MYBPC1: variants seen among roughly 807,000 people sequenced by gnomAD.
The protein encoded by MYBPC1 is myosin-binding protein C, slow-type.
A neutral mutation model predicts 147.1 loss-of-function variants in MYBPC1; 52 were observed. The observed-to-expected ratio is 0.35, with a 90% confidence interval of 0.28 to 0.45. The LOEUF is 0.45. Among genes scored for constraint, MYBPC1 ranks in the 20% least tolerant of loss-of-function variants. The pLI, the probability that MYBPC1 is intolerant of heterozygous loss-of-function variation, is 1.00. For missense variants in MYBPC1, 1,228 were observed against 1,440.3 expected (o/e 0.85, Z 2.39); for synonymous variants, 477 against 475.9 (o/e 1.00, Z -0.03).
chr12:101,610,338 A>T (rs1038180826), intron 1 of MYBPC1, among the ~76,000 whole-genome samples: 3 of 152,310 alleles, frequency 2.0e-5, no homozygotes, highest in East Asian at 3.9e-4. Flanking sequence ...CATCGAGCTC[A>T]ACTACTATTC....
Position 101,677,991 on chromosome 12 carries a change from A to C in MYBPC1, c.3110-111A>C. Reference sequence around the variant, plus strand: ...ACATGGCATTTGCTCATCTTTGTCCATGTTTTTCTAAGTTCAGGGAAGTTT... The same window carrying C: ...ACATGGCATTTGCTCATCTTTGTCCCTGTTTTTCTAAGTTCAGGGAAGTTT... On this transcript the variant is annotated intron_variant, in intron 27 of 31. Coordinates refer to ENST00000361466, the MANE Select transcript of MYBPC1 (RefSeq NM_002465.4). The C allele has an allele frequency of 2.3e-6, 3 of 1,332,964 alleles. No individual in the cohort carries two copies. The South Asian group carries it at 3.6e-5, about 16-fold the overall frequency. The allele number at this position is 1,332,964 out of a possible 1,614,324, so 82.6% of individuals were successfully genotyped here. A position where few individuals can be genotyped will look rare whatever the true frequency, so the allele number is the denominator to read the frequency against.
At chr12:101,638,741 T>C (rs911408050) in intron 10 of MYBPC1, among the ~76,000 whole-genome samples, 2 of 152,186 alleles carry the variant, frequency 1.3e-5, no homozygotes, top group African/African-American at 4.8e-5. Flanking sequence ...ATAAATCTAA[T>C]TACATAGTCA....
At chr12:101,654,264 T>C (rs1895123384) in intron 18 of MYBPC1, among the ~76,000 whole-genome samples, 1 of 152,092 alleles carries the variant, frequency 6.6e-6, no homozygotes, top group South Asian at 2.1e-4. Flanking sequence ...GAATGAGACT[T>C]CTACTTTCAA....
chr12:101,688,343 C>T (rs372744914), downstream of MYBPC1, among the ~76,000 whole-genome samples: 2 of 151,894 alleles, frequency 1.3e-5, no homozygotes, highest in Admixed American at 6.6e-5. Flanking sequence ...AGCTTGAACC[C>T]GGGAGGTGGA....
intron 30 of MYBPC1, among the ~76,000 whole-genome samples, chr12:101,683,849 A>C (rs1186493079): frequency 6.6e-6 from 1 of 152,202 alleles, no homozygotes; most frequent in African/African-American, 2.4e-5. Flanking sequence ...ATAGCTTTGT[A>C]ACATAAGGTT....
chr12:101,685,528 G>T, intron 31 of MYBPC1, 54 bp from the exon 32 acceptor site: 2 of 1,257,002 alleles, frequency 1.6e-6, no homozygotes, highest in Non-Finnish European at 2.2e-6. Flanking sequence ...TTGTTTCAGC[G>T]ATTTTTCAGG....
At position 101,642,152 on chromosome 12, in the gene MYBPC1, A is replaced by G. The variant is rs934534307; in HGVS notation, c.666-267A>G. ...AAATATATTTTTAGGCTATTTCCTG[A>G]TGTCCTCTACTCCCCCTAAAATTGT... On this transcript the variant is annotated intron_variant, in intron 10 of 31. Coordinates refer to ENST00000361466, the MANE Select transcript of MYBPC1 (RefSeq NM_002465.4). Among the ~76,000 whole-genome samples the G allele has an allele frequency of 2.8e-4, 42 of 152,172 alleles. 1 individual carries two copies. The highest frequency in any genetic ancestry group is 2.4e-3 in the Admixed American group (37 of 15,268).
intron 31 of MYBPC1, 41 bp from the exon 32 acceptor site, chr12:101,685,541 G>C (rs540499368): frequency 7.3e-7 from 1 of 1,366,188 alleles, no homozygotes; most frequent in African/African-American, 1.4e-5. Flanking sequence ...TTTTCAGGTA[G>C]ATGGTTTTGA....
rs57175970 is a variant in MYBPC1 at position 101,624,683 on chromosome 12, A to ATTTTTTTTTTTTTTTTTTTTTTT, written c.104-2185_104-2163dup. On this transcript the variant is annotated intron_variant, in intron 3 of 31. Coordinates refer to ENST00000361466, the MANE Select transcript of MYBPC1 (RefSeq NM_002465.4). ...AATAATATACAAGCCCGGCTAATTAATTTTTTTTTTTTTTTTTTTTTTTTT... is the reference window on the plus strand; with the variant it reads ...AATAATATACAAGCCCGGCTAATTAATTTTTTTTTTTTTTTTTTTTTTTTTTTTTTTTTTTTTTTTTTTTTTTT... Among the ~76,000 whole-genome samples the ATTTTTTTTTTTTTTTTTTTTTTT allele has an allele frequency of 4.8e-4, 48 of 99,096 alleles. 4 individuals carry two copies. Among genetic ancestry groups the ATTTTTTTTTTTTTTTTTTTTTTT allele is most frequent in the African/African-American group, 2.0e-3 (47 of 24,010 alleles). The allele number at this position is 99,096 out of a possible 152,430, so 65.0% of individuals were successfully genotyped here.
chr12:101,665,952 T>A (rs1372911196), intron 22 of MYBPC1, among the ~76,000 whole-genome samples: 1 of 152,186 alleles, frequency 6.6e-6, no homozygotes, highest in African/African-American at 2.4e-5. Flanking sequence ...TCCCTTCTCC[T>A]TGATACTCCT....
At chr12:101,617,778 A>T (rs1157879812) in intron 3 of MYBPC1, among the ~76,000 whole-genome samples, 1 of 152,208 alleles carries the variant, frequency 6.6e-6, no homozygotes, top group Non-Finnish European at 1.5e-5. Context: ...ACTGGAAACT[A>T]TTCCTGTAAT....
chr12:101,642,697 G>T (rs1057229638), intron 11 of MYBPC1, 112 bp downstream of exon 11: 12 of 1,239,350 alleles, frequency 9.7e-6, no homozygotes, highest in Non-Finnish European at 1.3e-5. Flanking sequence ...TTGGGAGTGG[G>T]GCTGGGTAGG....
rs10860760 is a variant in MYBPC1, at chr12:101,651,520, C to T, written c.1526+127C>T. On this transcript the variant is annotated intron_variant, in intron 16 of 31. Transcript: ENST00000361466. ...GGGAGATCATCTATTCCTGATTCTT[C>T]GCTTCCAACTAGCAAGAAGGTGTGA... 334,577 of 1,260,754 alleles carry T rather than the reference C, an allele frequency of 0.27. 46,090 individuals carry two copies. The highest frequency in any genetic ancestry group is 0.31 in the Middle Eastern group (1,351 of 4,322). 78.1% of individuals were successfully genotyped at this position (1,260,754 alleles called of 1,614,324 possible). A position where few individuals can be genotyped will look rare whatever the true frequency, so the allele number is the denominator to read the frequency against.
intron 3 of MYBPC1, 112 bp downstream of exon 3, chr12:101,617,355 T>G: frequency 8.6e-7 from 1 of 1,167,528 alleles, no homozygotes; most frequent in Non-Finnish European, 1.3e-6. Context: ...TATCTTTCGT[T>G]CTGCCTTTGC....
downstream of MYBPC1, among the ~76,000 whole-genome samples, chr12:101,688,166 T>A (rs970064517): frequency 1.3e-5 from 2 of 152,222 alleles, no homozygotes; most frequent in African/African-American, 2.4e-5. Context: ...ATGCCTGTAA[T>A]CCCAGCACTT....
chr12:101,633,783 T>C (rs1890423216), intron 8 of MYBPC1, among the ~76,000 whole-genome samples: 1 of 151,842 alleles, frequency 6.6e-6, no homozygotes, highest in South Asian at 2.1e-4. Context: ...AAGCAGAGGC[T>C]GGATGGCCAT....
chr12:101,676,421 A>G (rs1001239632), intron 26 of MYBPC1, among the ~76,000 whole-genome samples: 1 of 152,112 alleles, frequency 6.6e-6, no homozygotes, highest in Non-Finnish European at 1.5e-5. Flanking sequence ...CCAGGATGAC[A>G]GAACAAGACT....
At chr12:101,613,272 A>C (rs1279064618) in intron 1 of MYBPC1, among the ~76,000 whole-genome samples, 2 of 152,126 alleles carry the variant, frequency 1.3e-5, no homozygotes, top group Non-Finnish European at 2.9e-5. Flanking sequence ...AGAACGGGGC[A>C]TTTGGCCTAC....
Position 101,648,435 on chromosome 12 carries a change from C to G in MYBPC1, c.1196+285C>G, listed in dbSNP as rs11110912. On this transcript the variant is annotated intron_variant, in intron 14 of 31. Transcript: ENST00000361466. The stretch of plus-strand genomic sequence containing the variant: ...TACCCAAGTCTATTTGACCCCAAAG[C>G]CTATGGATGCTCTTAACCTTTATAG... 0.14 allele frequency among the ~76,000 whole-genome samples: 21,372 copies of G among 152,116 alleles called. 1,743 individuals carry two copies. The highest frequency in any genetic ancestry group is 0.26 in the Middle Eastern group (77 of 292).
Sources: gnomAD v4.1 joint callset for allele counts (sites outside exome capture counted in the v4.1 genomes callset) on GRCh38, gnomAD v4.1.1 for gene constraint, MANE v1.5 for transcripts, NCBI Gene and HGNC (gene_info 2026-07-23, HGNC 2026-07-21) for gene names.